Variants in MEIG1 observed in about 807,000 individuals in gnomAD.
MEIG1 encodes meiosis/spermiogenesis associated 1, also known as meiosis expressed gene 1 protein homolog.
MEIG1 carries 12 observed loss-of-function variants against 11.3 expected under a neutral mutation model. The ratio of observed to expected loss-of-function variants is 1.07; its 90% CI spans 0.68 to 1.73. The LOEUF (loss-of-function observed/expected upper bound fraction) is 1.73, where lower values mean the gene tolerates loss of function less well. Ranked by LOEUF, MEIG1 falls within the 40% of genes most tolerant of loss-of-function variation. The pLI is 0.00. For synonymous variants in MEIG1, 41 were observed against 33.2 expected (o/e 1.24, Z -0.81); for missense variants, 119 against 104.9 (o/e 1.13, Z -0.59).
chr10:14,980,294 G>A (rs1843250781), intron 1 of MEIG1, among the ~76,000 whole-genome samples: 1 of 151,998 alleles, frequency 6.6e-6, no homozygotes, highest in Non-Finnish European at 1.5e-5. Context: ...TCACAGCGGT[G>A]TATATCCTGC....
intron 2 of MEIG1, among the ~76,000 whole-genome samples, chr10:14,969,290 C>G (rs7076042): frequency 0.64 from 96,547 of 151,020 alleles, 31,168 homozygotes; most frequent in Non-Finnish European, 0.69. Context: ...CTACAAAAAA[C>G]TTTTTTTAAT....
intron 1 of MEIG1, among the ~76,000 whole-genome samples, chr10:14,965,167 ATATT>A (rs1303855245): frequency 1.3e-5 from 2 of 152,192 alleles, no homozygotes; most frequent in African/African-American, 4.8e-5. Context: ...AATTCATAAA[ATATT>A]AATTTATTTA....
At chr10:14,987,262 G>T (rs969951341) in intron 2 of MEIG1, 15 of 860,342 alleles carry the variant, frequency 1.7e-5, no homozygotes, top group African/African-American at 5.0e-5. Flanking sequence ...AGTACATGGG[G>T]GTATGGAGGG....
At chr10:14,977,490 T>C (rs993557572), downstream of MEIG1, among the ~76,000 whole-genome samples, 2 of 151,958 alleles carry the variant, frequency 1.3e-5, no homozygotes, top group Non-Finnish European at 2.9e-5. Flanking sequence ...TGTAGGGGGA[T>C]GTCACTCCTA....
At chr10:14,961,090 TC>T (rs1164482774) in intron 1 of MEIG1, among the ~76,000 whole-genome samples, 1 of 152,194 alleles carries the variant, frequency 6.6e-6, no homozygotes, top group African/African-American at 2.4e-5. Context: ...TGGGATTATG[TC>T]CCAATACACC....
intron 1 of MEIG1, among the ~76,000 whole-genome samples, chr10:14,983,117 G>A (rs893472070): frequency 1.3e-4 from 20 of 152,022 alleles, no homozygotes; most frequent in Non-Finnish European, 2.9e-5. Context: ...GTTCAGGGAG[G>A]GAGAGAGCAT....
At position 14,966,542 on chromosome 10, in the gene MEIG1, A is replaced by G; in HGVS notation, c.74A>G (p.Tyr25Cys). The change falls in exon 2 of 3, where the codon TAC (tyrosine) becomes TGC (cysteine). Residue 25 changes from tyrosine to cysteine, a missense_variant. Coordinates refer to ENST00000407572, the MANE Select transcript of MEIG1 (RefSeq NM_001080836.3). ...TGGTCAGAAGAGATAGAAAATCTGTACAGATTTCAACAAGCAGGATATCGG... is the reference window on the plus strand; with the variant it reads ...TGGTCAGAAGAGATAGAAAATCTGTGCAGATTTCAACAAGCAGGATATCGG... ...KKWSEEIENL[Y>C]RFQQAGYRDE... is the part of the protein sequence containing the mutation. 1 of 1,612,678 alleles carries G rather than the reference A, an allele frequency of 6.2e-7. No homozygotes were observed. The highest frequency in any genetic ancestry group is 1.3e-5 in the African/African-American group (1 of 74,966).
At chr10:14,983,706 A>G (rs1589216104) in intron 1 of MEIG1, among the ~76,000 whole-genome samples, 1 of 152,032 alleles carries the variant, frequency 6.6e-6, no homozygotes, top group South Asian at 2.1e-4. Context: ...CCACTCTGTG[A>G]TATTTTTTGT....
intron 1 of MEIG1, among the ~76,000 whole-genome samples, chr10:14,986,297 C>T (rs1484874100): frequency 1.3e-5 from 2 of 152,120 alleles, no homozygotes; most frequent in Non-Finnish European, 2.9e-5. Flanking sequence ...CACACTTCAG[C>T]CTGGGCAACA....
At chr10:14,979,178 T>C (rs1308579201) in intron 1 of MEIG1, among the ~76,000 whole-genome samples, 2 of 151,732 alleles carry the variant, frequency 1.3e-5, no homozygotes, top group Non-Finnish European at 2.9e-5. Flanking sequence ...TTACTTTAAA[T>C]ATCACAAAGG....
chr10:14,960,961 G>A (rs1843005846), intron 1 of MEIG1, among the ~76,000 whole-genome samples: 1 of 152,090 alleles, frequency 6.6e-6, no homozygotes, highest in African/African-American at 2.4e-5. Context: ...CCTGGGAGGC[G>A]GAGGTTGTGG....
intron 2 of MEIG1, among the ~76,000 whole-genome samples, chr10:14,967,551 C>A (rs1352453975): frequency 6.7e-6 from 1 of 149,796 alleles, no homozygotes; most frequent in African/African-American, 2.5e-5. Flanking sequence ...GTCACCCAGG[C>A]TGGAGTGCAC....
chr10:14,974,560 C>T (rs1181988593), downstream of MEIG1, among the ~76,000 whole-genome samples: 3 of 151,842 alleles, frequency 2.0e-5, no homozygotes, highest in Non-Finnish European at 4.4e-5. Context: ...AACCAGCTGT[C>T]GAGGGAGGGG....
downstream of MEIG1, among the ~76,000 whole-genome samples, chr10:14,977,150 G>A (rs529786967): frequency 4.7e-4 from 72 of 152,028 alleles, 1 homozygote; most frequent in Middle Eastern, 0.014. Context: ...GGCGTGTACA[G>A]CCTGTGATAG....
At chr10:14,980,618 G>C (rs569934197) in intron 1 of MEIG1, among the ~76,000 whole-genome samples, 1 of 152,228 alleles carries the variant, frequency 6.6e-6, no homozygotes, top group East Asian at 1.9e-4. Flanking sequence ...TGGCGCACCC[G>C]ACTGACCTGG....
chr10:14,983,198 G>T (rs1232328304), intron 1 of MEIG1, among the ~76,000 whole-genome samples: 1 of 152,018 alleles, frequency 6.6e-6, no homozygotes, highest in African/African-American at 2.4e-5. Flanking sequence ...ATCTCCAGGG[G>T]GTGGCGTATG....
intron 1 of MEIG1, among the ~76,000 whole-genome samples, chr10:14,984,694 A>G (rs1332203971): frequency 1.3e-5 from 2 of 152,130 alleles, no homozygotes; most frequent in Non-Finnish European, 2.9e-5. Context: ...CAGAGGGTGT[A>G]CACTCTGTGA....
At chr10:14,967,168 T>C (rs1172959923) in intron 2 of MEIG1, among the ~76,000 whole-genome samples, 1 of 137,690 alleles carries the variant, frequency 7.3e-6, no homozygotes, top group East Asian at 2.0e-4. Context: ...GCTAAATGAA[T>C]CTTTTGCGGT....
chr10:14,960,677 C>T (rs1843002643), intron 1 of MEIG1, among the ~76,000 whole-genome samples: 1 of 151,914 alleles, frequency 6.6e-6, no homozygotes, highest in Non-Finnish European at 1.5e-5. Context: ...CTCGGTCTCC[C>T]AAAGTGCTGG....
Sources: gnomAD v4.1 joint callset for allele counts (sites outside exome capture counted in the v4.1 genomes callset) on GRCh38, gnomAD v4.1.1 for gene constraint, MANE v1.5 for transcripts, NCBI Gene and HGNC (gene_info 2026-07-23, HGNC 2026-07-21) for gene names.